Variants in GRAMD1B observed in about 807,000 individuals in gnomAD.
GRAMD1B encodes the protein protein Aster-B.
A neutral mutation model predicts 99.7 loss-of-function variants in GRAMD1B; 37 were observed. That is an observed-to-expected ratio of 0.37 (90% CI 0.29 to 0.49). The LOEUF is 0.49. Among genes scored for constraint, GRAMD1B ranks in the 20% least tolerant of loss-of-function variants. The pLI is 0.98. For missense variants in GRAMD1B, 888 were observed against 1,009.2 expected (o/e 0.88, Z 1.63); for synonymous variants, 427 against 387.6 (o/e 1.10, Z -1.19).
chr11:123,619,589 A>T, intron 19 of GRAMD1B: 1 of 1,105,416 alleles, frequency 9.0e-7, no homozygotes, highest in East Asian at 6.6e-5. Context: ...CCCAGAGGGC[A>T]TGTCTTTGAG....
intron 2 of GRAMD1B, among the ~76,000 whole-genome samples, chr11:123,487,085 A>G (rs1408717919): frequency 2.0e-5 from 3 of 152,234 alleles, no homozygotes; most frequent in Non-Finnish European, 4.4e-5. Context: ...AAATAAATAA[A>G]GAAGTTCACT....
chr11:123,384,261 T>C (rs557472331), intron 1 of GRAMD1B, among the ~76,000 whole-genome samples: 18 of 152,346 alleles, frequency 1.2e-4, no homozygotes, highest in Admixed American at 9.2e-4. Flanking sequence ...TTTGTTTGTT[T>C]TCTACCATTG....
chr11:123,559,515 T>G (rs1413195140), intron 2 of GRAMD1B, among the ~76,000 whole-genome samples: 1 of 152,150 alleles, frequency 6.6e-6, no homozygotes, highest in Non-Finnish European at 1.5e-5. Context: ...ATGAATGACT[T>G]TCAAAATATT....
intron 1 of GRAMD1B, among the ~76,000 whole-genome samples, chr11:123,396,739 G>A (rs965833217): frequency 2.9e-4 from 44 of 152,358 alleles, no homozygotes; most frequent in African/African-American, 9.6e-4. Flanking sequence ...GGTGCCTAGA[G>A]ACAAGGACTT....
In GRAMD1B at chr11:123,534,161, A is replaced by G. The variant is rs187310232; in HGVS notation, c.453-43206A>G. Among the ~76,000 whole-genome samples, 62 of 152,364 alleles carry G rather than the reference A, an allele frequency of 4.1e-4. No individual in the cohort carries two copies. In the East Asian group the frequency reaches 0.011, roughly 28 times the overall value. On this transcript the variant is annotated intron_variant, in intron 2 of 19. Transcript: ENST00000635736. ...GCCTTACTGATAACACAGTCAATTA[A>G]CACATTTTTGGTATTATGCATTATA...
At chr11:123,559,485 G>A (rs1233766222) in intron 2 of GRAMD1B, among the ~76,000 whole-genome samples, 3 of 152,100 alleles carry the variant, frequency 2.0e-5, no homozygotes, top group Non-Finnish European at 2.9e-5. Context: ...ATTGAATGTA[G>A]GCAAAATGCT....
intron 2 of GRAMD1B, among the ~76,000 whole-genome samples, chr11:123,489,582 C>T (rs12293377): frequency 0.041 from 6,274 of 152,180 alleles, 204 homozygotes; most frequent in African/African-American, 0.081. Flanking sequence ...AAAGAATCCT[C>T]TGCAGTGGCA....
rs139810121 is a variant in GRAMD1B, at chr11:123,540,854, A to G, written c.453-36513A>G. On this transcript the variant is annotated intron_variant, in intron 2 of 19. Coordinates refer to ENST00000635736, the MANE Select transcript of GRAMD1B (RefSeq NM_001387025.1). ...TTGGTTTTCATAGTTAATTTTAAGGATAGCATCACAAACATGCATCCCTAT... is the reference window on the plus strand; with the variant it reads ...TTGGTTTTCATAGTTAATTTTAAGGGTAGCATCACAAACATGCATCCCTAT... Among the ~76,000 whole-genome samples, 1,318 of 152,324 alleles carry G rather than the reference A, an allele frequency of 8.7e-3. 15 individuals carry two copies. Among genetic ancestry groups the G allele is most frequent in the Middle Eastern group, 0.01 (3 of 294 alleles).
intron 1 of GRAMD1B, among the ~76,000 whole-genome samples, chr11:123,425,158 T>C (rs1230122669): frequency 6.6e-6 from 1 of 152,204 alleles, no homozygotes; most frequent in Non-Finnish European, 1.5e-5. Context: ...TTAACCGTAA[T>C]AAAACTGCTA....
At chr11:123,454,811 G>A (rs1017819605) in intron 1 of GRAMD1B, 5 of 152,306 alleles carry the variant, frequency 3.3e-5, no homozygotes, top group African/African-American at 1.2e-4. Context: ...AAAGTCTGAG[G>A]TTGTAAAGAA....
At chr11:123,384,391 A>G (rs1269962049) in intron 1 of GRAMD1B, among the ~76,000 whole-genome samples, 1 of 152,150 alleles carries the variant, frequency 6.6e-6, no homozygotes, top group African/African-American at 2.4e-5. Flanking sequence ...TTTCTTCTTG[A>G]AATACACTTC....
intron 1 of GRAMD1B, among the ~76,000 whole-genome samples, chr11:123,408,338 G>A (rs759878910): frequency 3.3e-5 from 5 of 152,138 alleles, no homozygotes; most frequent in Admixed American, 6.5e-5. Flanking sequence ...CTGGCCCTTC[G>A]TTATGTTTTT....
chr11:123,554,542 A>AAG (rs1555070584), intron 2 of GRAMD1B, among the ~76,000 whole-genome samples: 4 of 144,006 alleles, frequency 2.8e-5, no homozygotes, highest in African/African-American at 1.1e-4. Context: ...AAAAAAAAAA[A>AAG]AAAGAAAGAA....
chr11:123,436,852 A>C (rs1412958502), intron 1 of GRAMD1B, among the ~76,000 whole-genome samples: 1 of 152,122 alleles, frequency 6.6e-6, no homozygotes, highest in Non-Finnish European at 1.5e-5. Flanking sequence ...TGCTGCACCC[A>C]TTAACTCGTC....
chr11:123,553,464 G>T (rs536684926), intron 2 of GRAMD1B, among the ~76,000 whole-genome samples: 1 of 152,298 alleles, frequency 6.6e-6, no homozygotes, highest in South Asian at 2.1e-4. Context: ...TACTTAAAGG[G>T]TGGCTACCTG....
At chr11:123,498,966 A>G (rs1043463043) in intron 2 of GRAMD1B, among the ~76,000 whole-genome samples, 1 of 152,188 alleles carries the variant, frequency 6.6e-6, no homozygotes, top group African/African-American at 2.4e-5. Flanking sequence ...AAAGAGAAAC[A>G]TGCCCTGAGC....
chr11:123,524,385 G>A (rs1404767374), intron 2 of GRAMD1B, among the ~76,000 whole-genome samples: 1 of 102,996 alleles, frequency 9.7e-6, no homozygotes, highest in Non-Finnish European at 2.5e-5. Context: ...CTGTCTCCCA[G>A]GCTAGATTGC....
intron 1 of GRAMD1B, among the ~76,000 whole-genome samples, chr11:123,424,856 ATC>A (rs1343795044): frequency 6.6e-6 from 1 of 152,208 alleles, no homozygotes; most frequent in African/African-American, 2.4e-5. Context: ...ATCTAGCTAT[ATC>A]CCAAGGACTT....
At position 123,540,878 on chromosome 11, in the gene GRAMD1B, A is replaced by G. The variant is rs141571061; in HGVS notation, c.453-36489A>G. Among the ~76,000 whole-genome samples, 320 of 152,332 alleles carry G rather than the reference A, an allele frequency of 2.1e-3. 3 individuals are homozygous for G. The highest frequency in any genetic ancestry group is 7.2e-3 in the African/African-American group (298 of 41,580). The stretch of plus-strand genomic sequence containing the variant: ...GATAGCATCACAAACATGCATCCCT[A>G]TCTGTCCAATCTACTTGTATTTGAC... On this transcript the variant is annotated intron_variant, in intron 2 of 19. Coordinates refer to ENST00000635736, the MANE Select transcript of GRAMD1B (RefSeq NM_001387025.1).
Sources: allele counts gnomAD v4.1 joint callset (sites outside exome capture counted in the v4.1 genomes callset), GRCh38; gene constraint gnomAD v4.1.1; transcripts MANE v1.5; gene names NCBI Gene and HGNC (gene_info 2026-07-23, HGNC 2026-07-21).